Variants in NTRK2 observed in about 807,000 individuals in gnomAD.
NTRK2 encodes BDNF/NT-3 growth factors receptor.
A neutral mutation model predicts 94.5 loss-of-function variants in NTRK2; 13 were observed. That is an observed-to-expected ratio of 0.14 (90% CI 0.09 to 0.22). NTRK2 has a LOEUF of 0.22. NTRK2 is among the 10% of genes least tolerant of loss of function. NTRK2 has a pLI of 1.00. For missense variants in NTRK2, 639 were observed against 1,071.2 expected, an observed-to-expected ratio of 0.60 and a Z score of 5.63; for synonymous variants, 372 against 407.4, an observed-to-expected ratio of 0.91 and a Z score of 1.05.
At chr9:84,871,913 C>T in intron 14 of NTRK2, 1 of 1,610,908 alleles carries the variant, frequency 6.2e-7, no homozygotes. Context: ...TGGTTATCTG[C>T]AAATTCTGGC....
chr9:84,814,669 T>C (rs2072193018), intron 12 of NTRK2: 1 of 1,065,274 alleles, frequency 9.4e-7, no homozygotes. Context: ...GGTTTGAATC[T>C]GATTCCTTCA....
At chr9:84,814,325 C>T (rs1177937800) in intron 12 of NTRK2, 22 of 1,065,092 alleles carry the variant, frequency 2.1e-5, no homozygotes, top group East Asian at 1.0e-4. Flanking sequence ...GTAAATAGCT[C>T]GAAGAGCTGA....
At chr9:84,708,265 C>A (rs1346173367) in intron 5 of NTRK2, among the ~76,000 whole-genome samples, 1 of 152,084 alleles carries the variant, frequency 6.6e-6, no homozygotes, top group Non-Finnish European at 1.5e-5. Context: ...GGTTTGGTTC[C>A]TGTTGGATCC....
intron 12 of NTRK2, among the ~76,000 whole-genome samples, chr9:84,797,152 A>T (rs1199457303): frequency 1.3e-5 from 2 of 152,166 alleles, no homozygotes; most frequent in Admixed American, 1.3e-4. Flanking sequence ...TAAAGAAATA[A>T]AGAGAGCATC....
chr9:84,802,090 T>A (rs2070532996), intron 12 of NTRK2, among the ~76,000 whole-genome samples: 2 of 152,230 alleles, frequency 1.3e-5, no homozygotes, highest in African/African-American at 2.4e-5. Flanking sequence ...AACAACTTCC[T>A]GTAAGTTTTG....
Position 84,875,337 on chromosome 9 carries a change from C to A in NTRK2, c.1633+7906C>A, listed in dbSNP as rs529713780. The A allele has an allele frequency of 2.8e-6, 3 of 1,059,958 alleles. No individual in the cohort carries two copies. In the South Asian group the frequency reaches 1.4e-4, roughly 48 times the overall value. The allele number at this position is 1,059,958 out of a possible 1,614,324, so 65.7% of individuals were successfully genotyped here. On this transcript the variant is annotated intron_variant, in intron 14 of 18. Coordinates refer to ENST00000277120, the MANE Select transcript of NTRK2 (RefSeq NM_006180.6). ...AGAGCGGGGGTCTGGCCATAGCTGGCCACGTCAGACTCTCATATGGTAAGT... is the reference window on the plus strand; with the variant it reads ...AGAGCGGGGGTCTGGCCATAGCTGGACACGTCAGACTCTCATATGGTAAGT...
intron 17 of NTRK2, among the ~76,000 whole-genome samples, chr9:84,970,375 A>C (rs535308269): frequency 6.6e-6 from 1 of 152,128 alleles, no homozygotes; most frequent in Admixed American, 6.5e-5. Flanking sequence ...AAAAATAAAA[A>C]AATAAAAAAT....
At chr9:84,813,516 T>C (rs989992790) in intron 12 of NTRK2, 39 of 1,065,278 alleles carry the variant, frequency 3.7e-5, no homozygotes, top group Non-Finnish European at 4.4e-5. Flanking sequence ...TTCCTGACAT[T>C]GCCATTGAGG....
At chr9:84,769,472 TA>T (rs2066327615) in intron 12 of NTRK2, among the ~76,000 whole-genome samples, 1 of 152,194 alleles carries the variant, frequency 6.6e-6, no homozygotes. Context: ...GACAAGAATT[TA>T]TTTGAATAAG....
At chr9:84,761,507 C>T (rs909165670) in intron 12 of NTRK2, among the ~76,000 whole-genome samples, 53 of 152,286 alleles carry the variant, frequency 3.5e-4, no homozygotes, top group African/African-American at 1.3e-3. Context: ...GACAGAGAAT[C>T]ATCTGAGCCT....
chr9:84,800,827 C>T (rs1300495708), intron 12 of NTRK2, among the ~76,000 whole-genome samples: 2 of 152,160 alleles, frequency 1.3e-5, no homozygotes, highest in Non-Finnish European at 2.9e-5. Flanking sequence ...GGGCCTTCCT[C>T]CAGGAACCTA....
chr9:84,753,982 C>T (rs892272517), intron 12 of NTRK2, among the ~76,000 whole-genome samples: 7 of 152,162 alleles, frequency 4.6e-5, no homozygotes, highest in African/African-American at 1.7e-4. Context: ...GCAACCTACT[C>T]CTTACAATGT....
At chr9:84,677,475 GA>G (rs2059129405) in intron 2 of NTRK2, among the ~76,000 whole-genome samples, 1 of 152,138 alleles carries the variant, frequency 6.6e-6, no homozygotes, top group South Asian at 2.1e-4. Flanking sequence ...TTGGTTGCAT[GA>G]AGATTTGCTC....
Position 84,702,978 on chromosome 9 carries a change from T to G in NTRK2, c.359+559T>G, listed in dbSNP as rs1169503278. On this transcript the variant is annotated intron_variant, in intron 4 of 18. Coordinates refer to ENST00000277120, the MANE Select transcript of NTRK2 (RefSeq NM_006180.6). ...TGGGAAATATTTCCCCAAAGTCTTG[T>G]TGATGCTTTGTCCACTGAAGTCAAA... 9.9e-5 allele frequency among the ~76,000 whole-genome samples: 15 copies of G among 152,270 alleles called. 1 individual carries two copies.
chr9:84,785,209 T>C (rs2068002448), intron 12 of NTRK2, among the ~76,000 whole-genome samples: 1 of 152,182 alleles, frequency 6.6e-6, no homozygotes, highest in African/African-American at 2.4e-5. Flanking sequence ...GGATTGTTCC[T>C]CACTCCTCCT....
chr9:84,869,208 G>A (rs554225300), intron 14 of NTRK2, among the ~76,000 whole-genome samples: 1 of 152,216 alleles, frequency 6.6e-6, no homozygotes, highest in Non-Finnish European at 1.5e-5. Context: ...GCAAAGGTTT[G>A]GGTTCCTTTT....
chr9:84,861,093 T>C lies in NTRK2; in HGVS notation c.1444+6T>C. On this transcript the variant is annotated splice_donor_region_variant and intron_variant, in intron 13 of 18. Transcript: ENST00000277120. The stretch of plus-strand genomic sequence containing the variant: ...AAAATCAAGACAAGGTGTTGGTAAG[T>C]AGTTAACTCACTCCTTCTTTGGATA... The C allele has an allele frequency of 1.2e-6, 2 of 1,608,830 alleles. No individual in the cohort carries two copies. Among genetic ancestry groups the C allele is most frequent in the Non-Finnish European group, 1.7e-6 (2 of 1,175,442 alleles).
chr9:84,931,178 G>A (rs1169049849), intron 14 of NTRK2, among the ~76,000 whole-genome samples: 1 of 152,130 alleles, frequency 6.6e-6, no homozygotes, highest in Non-Finnish European at 1.5e-5. Flanking sequence ...AGGCCAAGGT[G>A]GGTGGATCAC....
At chr9:84,906,426 C>G (rs1400972658) in intron 14 of NTRK2, among the ~76,000 whole-genome samples, 1 of 152,136 alleles carries the variant, frequency 6.6e-6, no homozygotes, top group Non-Finnish European at 1.5e-5. Context: ...CCTTGCAGAG[C>G]AGCTTCAGCA....
Sources: gnomAD v4.1 joint callset for allele counts (sites outside exome capture counted in the v4.1 genomes callset) on GRCh38, gnomAD v4.1.1 for gene constraint, MANE v1.5 for transcripts, NCBI Gene and HGNC (gene_info 2026-07-23, HGNC 2026-07-21) for gene names.